MED17: variants seen among roughly 807,000 people sequenced by gnomAD.
The protein encoded by MED17 is mediator of RNA polymerase II transcription subunit 17.
In MED17, 49 loss-of-function variants were observed where a neutral mutation model predicts 80.8. That is an observed-to-expected ratio of 0.61 (90% CI 0.48 to 0.77). The LOEUF is 0.77. MED17 is among the 30% of genes least tolerant of loss of function. MED17 has a pLI of 0.00. For synonymous variants in MED17, 281 were observed against 280.4 expected (o/e 1.00, Z -0.02); for missense variants, 718 against 787.0 (o/e 0.91, Z 1.05).
chr11:93,784,304 C>T lies in MED17; in HGVS notation c.-210C>T, dbSNP rs772394621. On this transcript the variant is annotated 5_prime_UTR_variant, in exon 1 of 12. Coordinates refer to ENST00000251871, the MANE Select transcript of MED17 (RefSeq NM_004268.5). Reference sequence around the variant, plus strand: ...CCCAGTTTTGCTCCGAAAGACTTACCGAGGAGGGAGCTTGCGGTGCGTTCT... The same window carrying T: ...CCCAGTTTTGCTCCGAAAGACTTACTGAGGAGGGAGCTTGCGGTGCGTTCT... The T allele has an allele frequency of 4.6e-6, 3 of 651,806 alleles. No homozygotes were observed. Among genetic ancestry groups the T allele is most frequent in the Non-Finnish European group, 7.6e-6 (3 of 395,552 alleles). The allele number at this position is 651,806 out of a possible 1,614,324, so 40.4% of individuals were successfully genotyped here.
chr11:93,787,969 T>C (rs779436356), intron 1 of MED17, 32 bp from the exon 2 acceptor site: 4 of 1,593,988 alleles, frequency 2.5e-6, no homozygotes, highest in South Asian at 2.2e-5. Flanking sequence ...CGAATACTTC[T>C]GTATTTCTTT....
intron 11 of MED17, 142 bp downstream of exon 11, chr11:93,810,018 T>C: frequency 1.2e-6 from 1 of 833,640 alleles, no homozygotes; most frequent in Non-Finnish European, 2.0e-6. Flanking sequence ...GTTTATTTGA[T>C]CATAGCTATT....
At chr11:93,799,980 ATAT>A (rs1390949355) in intron 8 of MED17, among the ~76,000 whole-genome samples, 1 of 152,188 alleles carries the variant, frequency 6.6e-6, no homozygotes, top group African/African-American at 2.4e-5. Flanking sequence ...CATTCATTTA[ATAT>A]TGTATTGTAA....
At chr11:93,796,351 G>A in intron 6 of MED17, 59 bp from the exon 7 acceptor site, 1 of 1,437,312 alleles carries the variant, frequency 7.0e-7, no homozygotes, top group South Asian at 1.1e-5. Context: ...TATGAAGACA[G>A]TTTATGCCTT....
Position 93,784,537 on chromosome 11 carries a change from G to T in MED17, c.24G>T (p.Arg8=), listed in dbSNP as rs773807541. The change falls in exon 1 of 12, where the codon CGG becomes CGT. Residue 8 remains arginine (R), a synonymous_variant. Transcript: ENST00000251871. ...GCATGTCCGGGGTGCGCGCAGTGCG[G>T]ATCAGCATCGAATCGGCCTGCGAGA... MSGVRAV[R]ISIESACEKQ... is the part of the protein sequence containing the mutation. The T allele has an allele frequency of 6.2e-7, 1 of 1,611,760 alleles. No homozygotes were observed. The highest frequency in any genetic ancestry group is 2.2e-5 in the East Asian group (1 of 44,842).
chr11:93,799,181 T>A (rs1324792655), intron 8 of MED17, among the ~76,000 whole-genome samples: 1 of 3,552 alleles, frequency 2.8e-4, no homozygotes, highest in South Asian at 0.071. Flanking sequence ...ACAAGAAATT[T>A]TTTTTTTTTT....
At chr11:93,785,030 CTGTAGAGGGCCTTTAATGTAGCACACT>C in intron 1 of MED17, 1 of 575,922 alleles carries the variant, frequency 1.7e-6, no homozygotes, top group Admixed American at 3.1e-5. Flanking sequence ...GAATGCTTCT[CTGTAGAGGGCCTTTAATGTAGCACACT>C]TAGTGGCTAA....
intron 1 of MED17, among the ~76,000 whole-genome samples, chr11:93,787,227 C>T (rs1413425125): frequency 6.6e-6 from 1 of 151,976 alleles, no homozygotes; most frequent in Non-Finnish European, 1.5e-5. Context: ...TCCTGACTAA[C>T]ATGGTGAAAC....
chr11:93,793,430 A>G (rs1048819712), intron 3 of MED17: 1 of 308,622 alleles, frequency 3.2e-6, no homozygotes, highest in African/African-American at 2.3e-5. Flanking sequence ...GAGTACACCC[A>G]TTTTTATCAA....
intron 5 of MED17, 52 bp downstream of exon 5, chr11:93,794,087 T>A (rs1380375866): frequency 5.8e-6 from 8 of 1,382,790 alleles, no homozygotes; most frequent in Admixed American, 1.8e-5. Flanking sequence ...GCTGACATTT[T>A]AAAATAAACT....
intron 5 of MED17, 155 bp downstream of exon 5, chr11:93,794,190 A>T: frequency 1.9e-6 from 1 of 534,512 alleles, no homozygotes; most frequent in Non-Finnish European, 3.3e-6. Context: ...ATTAGTGAAT[A>T]GCTGTGCAAT....
rs1012439077 is a variant in MED17, at chr11:93,787,870, A to G, written c.251-131A>G. ...TTTAAGAAACGGTAGAGGAGATGGCATAAATAAGAGAACAATTTGAAATTT... is the reference window on the plus strand; with the variant it reads ...TTTAAGAAACGGTAGAGGAGATGGCGTAAATAAGAGAACAATTTGAAATTT... On this transcript the variant is annotated intron_variant, in intron 1 of 11. Coordinates refer to ENST00000251871, the MANE Select transcript of MED17 (RefSeq NM_004268.5). 4 of 817,794 alleles carry G rather than the reference A, an allele frequency of 4.9e-6. No homozygotes were observed. The African/African-American group carries it at 6.8e-5, about 14-fold the overall frequency. The allele number at this position is 817,794 out of a possible 1,614,324, so 50.7% of individuals were successfully genotyped here.
intron 10 of MED17, chr11:93,808,572 T>C (rs1944052551): frequency 6.8e-6 from 1 of 146,374 alleles, no homozygotes; most frequent in Admixed American, 6.8e-5. Context: ...TAATGCAAGA[T>C]ACTATTTTTT....
At chr11:93,808,515 C>T (rs1380993207) in intron 10 of MED17, 1 of 150,210 alleles carries the variant, frequency 6.7e-6, no homozygotes, top group African/African-American at 2.5e-5. Context: ...TTTTAATGAC[C>T]CAGTGAAATA....
chr11:93,791,915 A>G (rs7109799), intron 3 of MED17, among the ~76,000 whole-genome samples: 7,718 of 152,244 alleles, frequency 0.051, 635 homozygotes, highest in African/African-American at 0.17. Flanking sequence ...CCACCAAACT[A>G]GGGCTACAGC....
chr11:93,801,984 A>G lies in MED17; in HGVS notation c.1466+12A>G, dbSNP rs771375372. The G allele has an allele frequency of 6.2e-7, 1 of 1,608,810 alleles. No homozygotes were observed. Among genetic ancestry groups the G allele is most frequent in the South Asian group, 1.1e-5 (1 of 90,620 alleles). The stretch of plus-strand genomic sequence containing the variant: ...GAACAAATATGCAAGTAAGTGGCCA[A>G]AATAAAAGTTTTGTATTTAATATGT... On this transcript the variant is annotated intron_variant, in intron 9 of 11. Coordinates refer to ENST00000251871, the MANE Select transcript of MED17 (RefSeq NM_004268.5).
At chr11:93,793,368 C>T (rs576003613) in intron 3 of MED17, 24 of 237,652 alleles carry the variant, frequency 1.0e-4, no homozygotes, top group South Asian at 5.6e-4. Context: ...CCATCCGCCT[C>T]GTCCTCCCAA....
intron 1 of MED17, among the ~76,000 whole-genome samples, chr11:93,787,196 G>T (rs868398683): frequency 1.3e-5 from 2 of 152,036 alleles, no homozygotes; most frequent in South Asian, 4.2e-4. Flanking sequence ...GGCAGATCAC[G>T]AGGTCAGGAG....
At chr11:93,789,741 A>G (rs1242834306) in intron 2 of MED17, 1 of 150,646 alleles carries the variant, frequency 6.6e-6, no homozygotes, top group Non-Finnish European at 1.5e-5. Flanking sequence ...GAACCAAAGC[A>G]GGAAGCCAGG....
Sources: gnomAD v4.1 joint callset for allele counts (sites outside exome capture counted in the v4.1 genomes callset) on GRCh38, gnomAD v4.1.1 for gene constraint, MANE v1.5 for transcripts, NCBI Gene and HGNC (gene_info 2026-07-23, HGNC 2026-07-21) for gene names.